The following CLSTN2 variants were observed in gnomAD, a reference collection of about 807,000 sequenced individuals.
CLSTN2 encodes the protein calsyntenin-2.
CLSTN2 carries 48 observed loss-of-function variants against 101.2 expected under a neutral mutation model. The ratio of observed to expected loss-of-function variants is 0.47; its 90% CI spans 0.38 to 0.60. The LOEUF (loss-of-function observed/expected upper bound fraction) is 0.60. Ranked by LOEUF, CLSTN2 falls within the 20% of genes least tolerant of loss-of-function variation. The pLI is 0.00. For missense variants in CLSTN2, 1,160 were observed against 1,238.2 expected, an observed-to-expected ratio of 0.94 and a Z score of 0.95; for synonymous variants, 481 against 463.6, an observed-to-expected ratio of 1.04 and a Z score of -0.48.
intron 8 of CLSTN2, among the ~76,000 whole-genome samples, chr3:140,468,537 C>A (rs572254973): frequency 6.6e-6 from 1 of 152,316 alleles, no homozygotes; most frequent in African/African-American, 2.4e-5. Context: ...CTACCCTGAT[C>A]TCATTGACTA....
At chr3:140,343,654 T>A (rs2087513384) in intron 2 of CLSTN2, among the ~76,000 whole-genome samples, 6 of 152,238 alleles carry the variant, frequency 3.9e-5, no homozygotes, top group Admixed American at 3.9e-4. Context: ...GAGATGTTTC[T>A]TAAGCCTGGA....
chr3:140,421,875 G>A (rs538708136), intron 5 of CLSTN2, among the ~76,000 whole-genome samples: 19 of 152,300 alleles, frequency 1.2e-4, no homozygotes, highest in African/African-American at 3.8e-4. Context: ...GTTTATCACT[G>A]AACTGAGGGC....
At chr3:140,160,891 A>G (rs1010929102) in intron 1 of CLSTN2, among the ~76,000 whole-genome samples, 1 of 152,190 alleles carries the variant, frequency 6.6e-6, no homozygotes, top group Non-Finnish European at 1.5e-5. Flanking sequence ...AATGATTTTC[A>G]TAAAAGTACT....
intron 1 of CLSTN2, among the ~76,000 whole-genome samples, chr3:140,097,020 T>C (rs182551756): frequency 5.1e-4 from 77 of 152,276 alleles, no homozygotes; most frequent in Admixed American, 8.5e-4. Flanking sequence ...AGCCTTGGTT[T>C]CTTCACTATA....
intron 2 of CLSTN2, among the ~76,000 whole-genome samples, chr3:140,261,739 A>G (rs909795130): frequency 6.6e-6 from 1 of 152,278 alleles, no homozygotes; most frequent in Middle Eastern, 3.4e-3. Flanking sequence ...TATAAGCTAA[A>G]CATGAGTTTG....
intron 1 of CLSTN2, among the ~76,000 whole-genome samples, chr3:140,054,426 A>G (rs1560080948): frequency 6.6e-6 from 1 of 151,482 alleles, no homozygotes; most frequent in South Asian, 2.1e-4. Context: ...GATATCTGTG[A>G]AAAAAAAATG....
chr3:139,989,145 T>C (rs1936077278), intron 1 of CLSTN2, among the ~76,000 whole-genome samples: 1 of 152,216 alleles, frequency 6.6e-6, no homozygotes, highest in South Asian at 2.1e-4. Flanking sequence ...AAGCTGGGTC[T>C]AGGATTCTGC....
Position 140,051,657 on chromosome 3 carries a change from C to T in CLSTN2, c.109+116174C>T, listed in dbSNP as rs182188969. Among the ~76,000 whole-genome samples the T allele has an allele frequency of 7.6e-4, 116 of 152,280 alleles. 1 individual carries two copies. Among genetic ancestry groups the T allele is most frequent in the Middle Eastern group, 3.4e-3 (1 of 294 alleles). On this transcript the variant is annotated intron_variant, in intron 1 of 16. Transcript: ENST00000458420. ...CTTCCAGAGAACAGTGGTTCTCAAC[C>T]GGGCTACATCTGGAATCACCTGGGA...
intron 2 of CLSTN2, among the ~76,000 whole-genome samples, chr3:140,389,442 T>C (rs1308721024): frequency 6.6e-6 from 1 of 152,236 alleles, no homozygotes; most frequent in Admixed American, 6.5e-5. Flanking sequence ...TCCAGCTCCA[T>C]CCATGTCCCT....
chr3:140,369,787 AC>A (rs2087830848), intron 2 of CLSTN2, among the ~76,000 whole-genome samples: 1 of 151,968 alleles, frequency 6.6e-6, no homozygotes, highest in African/African-American at 2.4e-5. Flanking sequence ...AGGAATTAAA[AC>A]CTCTAATTGC....
chr3:140,045,015 G>C (rs1270217842), intron 1 of CLSTN2, among the ~76,000 whole-genome samples: 1 of 152,144 alleles, frequency 6.6e-6, no homozygotes, highest in Non-Finnish European at 1.5e-5. Context: ...TCTCTGCCAG[G>C]CTTCGGTATC....
At chr3:140,151,594 G>A (rs1042468913) in intron 1 of CLSTN2, among the ~76,000 whole-genome samples, 3 of 152,106 alleles carry the variant, frequency 2.0e-5, no homozygotes, top group Non-Finnish European at 4.4e-5. Context: ...GCTTCCTGCT[G>A]TCGGGAGGAT....
chr3:140,546,620 T>C lies in CLSTN2; in HGVS notation c.1613T>C (p.Leu538Pro), dbSNP rs764134317. 6.2e-7 allele frequency: 1 copy of C among 1,614,042 alleles called. No individual in the cohort carries two copies. The highest frequency in any genetic ancestry group is 2.2e-5 in the East Asian group (1 of 44,878). Residue 538 changes from leucine to proline, a missense_variant, in exon 10 of 17, where the codon CTG (leucine) becomes CCG (proline). Transcript: ENST00000458420. ...GAAAGCCAGAAGGTGATCTCCTGCC[T>C]GCAGGCCTGCAAGGAAGGGCTGGAC... Reference protein sequence around the residue: ...KMESQKVISCLQACKEGLDIN... With the variant: ...KMESQKVISCPQACKEGLDIN...
rs574928714 is a variant in CLSTN2 at position 140,360,075 on chromosome 3, G to A, written c.233-43554G>A. On this transcript the variant is annotated intron_variant, in intron 2 of 16. Transcript: ENST00000458420. ...TACAATTTCTCCCACTCCCATGCTG[G>A]GAACACATTTATAATTTAGGAGTAT... Among the ~76,000 whole-genome samples, 8 of 150,956 alleles carry A rather than the reference G, an allele frequency of 5.3e-5. No homozygotes were observed. The South Asian group carries it at 1.7e-3, about 32-fold the overall frequency.
At chr3:139,985,446 A>G (rs1165693099) in intron 1 of CLSTN2, among the ~76,000 whole-genome samples, 1 of 151,980 alleles carries the variant, frequency 6.6e-6, no homozygotes, top group Non-Finnish European at 1.5e-5. Flanking sequence ...ATAAAAGTCA[A>G]CTGTTTCATA....
chr3:140,080,874 C>G (rs1429201191), intron 1 of CLSTN2, among the ~76,000 whole-genome samples: 3 of 152,158 alleles, frequency 2.0e-5, no homozygotes, highest in African/African-American at 7.2e-5. Flanking sequence ...AAGTACAAGG[C>G]TATAAGGGTG....
In CLSTN2 at chr3:140,404,712, A is replaced by G; in HGVS notation, c.583A>G (p.Ile195Val). ...DEDCSPQYSQ[I>V]CNYEIVTTDV... ...GGACTGCTCCCCACAGTACAGCCAG[A>G]TCTGCAACTATGAAATCGTCACCAC... Residue 195 changes from isoleucine to valine, a missense_variant, in exon 4 of 17, where the codon ATC (isoleucine) becomes GTC (valine). By Grantham distance (29) the Ile-to-Val change is conservative. Coordinates refer to ENST00000458420, the MANE Select transcript of CLSTN2 (RefSeq NM_022131.3). The G allele has an allele frequency of 1.2e-6, 2 of 1,614,172 alleles. No individual in the cohort carries two copies. The highest frequency in any genetic ancestry group is 1.7e-6 in the Non-Finnish European group (2 of 1,180,040).
chr3:140,207,214 C>CCATGAAGT (rs1427820869), intron 2 of CLSTN2, among the ~76,000 whole-genome samples: 5 of 152,076 alleles, frequency 3.3e-5, no homozygotes, highest in African/African-American at 9.7e-5. Flanking sequence ...GAGAGTAGGC[C>CCATGAAGT]CATGAAGTCG....
intron 8 of CLSTN2, among the ~76,000 whole-genome samples, chr3:140,483,392 TGTG>T (rs1934168542): frequency 5.3e-5 from 8 of 152,198 alleles, no homozygotes; most frequent in Admixed American, 5.2e-4. Flanking sequence ...ATAGGTGTGG[TGTG>T]GTGCTGAAAA....
Sources: gnomAD v4.1 joint callset for allele counts (sites outside exome capture counted in the v4.1 genomes callset) on GRCh38, gnomAD v4.1.1 for gene constraint, MANE v1.5 for transcripts, NCBI Gene and HGNC (gene_info 2026-07-23, HGNC 2026-07-21) for gene names.